The following RNF34 variants were observed in gnomAD, a reference collection of about 807,000 sequenced individuals.
The protein encoded by RNF34 is E3 ubiquitin-protein ligase RNF34.
Under a neutral mutation model 37.9 loss-of-function variants are expected in RNF34, and 12 were observed. The observed-to-expected ratio is 0.32, with a 90% CI of 0.20 to 0.51. The LOEUF (loss-of-function observed/expected upper bound fraction) is 0.51, where lower values mean the gene tolerates loss of function less well. Ranked by LOEUF, RNF34 falls within the 20% of genes least tolerant of loss-of-function variation. RNF34 has a pLI of 0.97. For missense variants in RNF34, 362 were observed against 472.7 expected, an observed-to-expected ratio of 0.77 and a Z score of 2.17; for synonymous variants, 155 against 177.2, an observed-to-expected ratio of 0.87 and a Z score of 1.00.
At chr12:121,402,813 A>G in intron 1 of RNF34, 1 of 1,576,312 alleles carries the variant, frequency 6.3e-7, no homozygotes, top group Non-Finnish European at 8.7e-7. Context: ...GGAAGGTAAC[A>G]TTTGTATCTA....
chr12:121,416,630 ATTATGT>A (rs1343449887), intron 2 of RNF34: 7 of 333,046 alleles, frequency 2.1e-5, no homozygotes, highest in Non-Finnish European at 3.3e-5. Flanking sequence ...TTTATTTTCT[ATTATGT>A]TTATTTCCAA....
At chr12:121,407,524 T>C (rs1555280825) in intron 1 of RNF34, among the ~76,000 whole-genome samples, 1 of 152,268 alleles carries the variant, frequency 6.6e-6, no homozygotes, top group Non-Finnish European at 1.5e-5. Flanking sequence ...CTCAGTGAAC[T>C]GACTGCAAAT....
chr12:121,421,981 G>A (rs894145596), intron 5 of RNF34, among the ~76,000 whole-genome samples: 5 of 152,208 alleles, frequency 3.3e-5, no homozygotes, highest in Non-Finnish European at 7.3e-5. Context: ...TGATGTCACA[G>A]TGGTAGATGC....
chr12:121,423,523 T>C lies in RNF34; in HGVS notation c.1066T>C (p.Cys356Arg). Residue 356 changes from cysteine to arginine, a missense_variant, in exon 6 of 6, where the codon TGT becomes CGT. By Grantham distance (180) the Cys-to-Arg change is radical. Transcript: ENST00000361234. This position sits in a 1 kb window ranked among gnomAD's most constrained non-coding sequence, Gnocchi z 4.3. ...CAAGTGCGGCAAGCGCATGAGTGAG[T>C]GTCCCATCTGCCGGCAGTATGTGGT... Reference protein sequence around the residue: ...CTKCGKRMSECPICRQYVVRA... With the variant: ...CTKCGKRMSERPICRQYVVRA... The C allele has an allele frequency of 6.2e-7, 1 of 1,614,172 alleles. No homozygotes were observed. The highest frequency in any genetic ancestry group is 2.2e-5 in the East Asian group (1 of 44,888).
intron 1 of RNF34, among the ~76,000 whole-genome samples, chr12:121,406,283 A>AGTTGTTGTTGTTGTTGTT (rs79540358): frequency 0.035 from 5,319 of 150,578 alleles, 273 homozygotes; most frequent in African/African-American, 0.11. Flanking sequence ...GGAATGTGTA[A>AGTTGTTGTTGTTGTTGTT]GTTGTTGTTG....
intron 5 of RNF34, 29 bp downstream of exon 5, chr12:121,420,807 TAG>T: frequency 6.4e-7 from 1 of 1,559,514 alleles, no homozygotes. Context: ...TTTTTCCCTG[TAG>T]TATTTTTCCT....
rs1475865914 is a variant in RNF34 at position 121,423,778 on chromosome 12, G to A, written c.*202G>A. On this transcript the variant is annotated 3_prime_UTR_variant, in exon 6 of 6. Transcript: ENST00000361234. The surrounding 1 kb of genome is among the most constrained non-coding windows in gnomAD (Gnocchi z 4.3). ...AGCCTGTCTGCCTGTGGACACGTGA[G>A]CTTCCCGGGCTCAGCTGGGCTTTAT... 1 of 541,342 alleles carries A rather than the reference G, an allele frequency of 1.8e-6. No individual in the cohort carries two copies. Among genetic ancestry groups the A allele is most frequent in the African/African-American group, 1.9e-5 (1 of 52,022 alleles). The allele number at this position is 541,342 out of a possible 1,614,324, so 33.5% of individuals were successfully genotyped here.
chr12:121,402,744 G>T (rs1159656321), intron 1 of RNF34: 11 of 1,590,072 alleles, frequency 6.9e-6, no homozygotes, highest in Admixed American at 3.5e-5. Context: ...TCTGAAAGGT[G>T]GGGGAGTGGT....
chr12:121,422,326 G>A (rs1400951938), intron 5 of RNF34, among the ~76,000 whole-genome samples: 1 of 152,136 alleles, frequency 6.6e-6, no homozygotes. Context: ...TACCAAGATT[G>A]TTCCCATATC....
rs574924801 is a variant in RNF34 at position 121,420,340 on chromosome 12, G to A, written c.726+6G>A. On this transcript the variant is annotated splice_donor_region_variant and intron_variant, in intron 4 of 5. Transcript: ENST00000361234. The stretch of plus-strand genomic sequence containing the variant: ...AAGAAAACGCAGAGGATCGGGTGAG[G>A]CCACCTATAAAATTTGGTTTCCCTG... 1.9e-6 allele frequency: 3 copies of A among 1,558,116 alleles called. No homozygotes were observed. The highest frequency in any genetic ancestry group is 2.7e-5 in the African/African-American group (2 of 73,258).
Position 121,416,151 on chromosome 12 carries a change from C to G in RNF34, c.7-8C>G, listed in dbSNP as rs1555282160. On this transcript the variant is annotated splice_region_variant and splice_polypyrimidine_tract_variant and intron_variant, in intron 1 of 5. Transcript: ENST00000361234. ...GCTTTAAACTGTGGGATTTGTGTTC[C>G]TTTTTAGGCGGGTGCCACGTCTATG... 11 of 1,612,430 alleles carry G rather than the reference C, an allele frequency of 6.8e-6. No individual in the cohort carries two copies. The highest frequency in any genetic ancestry group is 8.5e-6 in the Non-Finnish European group (10 of 1,178,944).
chr12:121,423,389 G>A lies in RNF34; in HGVS notation c.932G>A (p.Gly311Asp), dbSNP rs1872332160. ...KENEENQKSY[G>D]ERLQLQDEED... ...TTAGCTCTCTGTTGCCTTTCAGATG[G>A]CGAGCGGCTGCAGCTGCAGGATGAG... The change falls in exon 6 of 6, where the codon GGC becomes GAC. Residue 311 changes from glycine to aspartate, a missense_variant. Physicochemically the swap from Gly to Asp is moderately conservative, Grantham distance 94 (BLOSUM62 -1). Coordinates refer to ENST00000361234, the MANE Select transcript of RNF34 (RefSeq NM_025126.4). This position sits in a 1 kb window ranked among gnomAD's most constrained non-coding sequence, Gnocchi z 4.3. 1.2e-6 allele frequency: 2 copies of A among 1,602,468 alleles called. No homozygotes were observed. Among genetic ancestry groups the A allele is most frequent in the South Asian group, 1.1e-5 (1 of 89,782 alleles).
At chr12:121,403,955 A>G (rs1328379324) in intron 1 of RNF34, among the ~76,000 whole-genome samples, 1 of 150,738 alleles carries the variant, frequency 6.6e-6, no homozygotes, top group African/African-American at 2.4e-5. Flanking sequence ...TGGCATTATT[A>G]TTACCTTGCT....
chr12:121,403,696 G>C (rs1327916560), intron 1 of RNF34, among the ~76,000 whole-genome samples: 1 of 152,070 alleles, frequency 6.6e-6, no homozygotes, highest in Non-Finnish European at 1.5e-5. Context: ...TCGCTCCTTG[G>C]TCCTTGTAGA....
At position 121,420,602 on chromosome 12, in the gene RNF34, T is replaced by A. The variant is rs139288912; in HGVS notation, c.752T>A (p.Val251Glu). The A allele has an allele frequency of 5.0e-6, 8 of 1,613,566 alleles. No individual in the cohort carries two copies. In the East Asian group the frequency reaches 8.9e-5, roughly 18 times the overall value. The change falls in exon 5 of 6, where the codon GTG becomes GAG. Residue 251 changes from valine to glutamate, a missense_variant. Coordinates refer to ENST00000361234, the MANE Select transcript of RNF34 (RefSeq NM_025126.4). The part of the protein sequence containing the change: ...DRNPGLSKER[V>E]RASLSDLSSL... ...AACCCCGGGCTCTCCAAGGAGAGAG[T>A]GAGAGCTTCACTGTCTGACTTGTCA... is the stretch of plus-strand genomic sequence containing the variant.
chr12:121,417,959 T>C lies in RNF34; in HGVS notation c.633+48T>C. 1 of 1,568,588 alleles carries C rather than the reference T, an allele frequency of 6.4e-7. No homozygotes were observed. Among genetic ancestry groups the C allele is most frequent in the Non-Finnish European group, 8.7e-7 (1 of 1,154,598 alleles). On this transcript the variant is annotated intron_variant, in intron 3 of 5. Transcript: ENST00000361234. This position sits in a 1 kb window ranked among gnomAD's most constrained non-coding sequence, Gnocchi z 5.0. ...ACCCAGGGCCCGGCACGCTTATTCT[T>C]GGCCGTATATGGTGGGGCCTTTAGT...
intron 1 of RNF34, chr12:121,405,066 C>T (rs920371680): frequency 6.6e-6 from 1 of 152,200 alleles, no homozygotes; most frequent in South Asian, 2.1e-4. Context: ...GTCCTTATAA[C>T]CTTATTGGCT....
At chr12:121,410,248 TG>T (rs1159615859) in intron 1 of RNF34, among the ~76,000 whole-genome samples, 2 of 151,668 alleles carry the variant, frequency 1.3e-5, no homozygotes, top group African/African-American at 4.8e-5. Flanking sequence ...TTTTCAAATA[TG>T]CTGCATGGGG....
rs782650665 is a variant in RNF34, at chr12:121,423,391, G to A, written c.934G>A (p.Glu312Lys). 15 of 1,603,198 alleles carry A rather than the reference G, an allele frequency of 9.4e-6. No homozygotes were observed. Among genetic ancestry groups the A allele is most frequent in the East Asian group, 4.5e-5 (2 of 44,468 alleles). The change falls in exon 6 of 6, where the codon GAG becomes AAG. Residue 312 changes from glutamate (E) to lysine (K), a missense_variant. By Grantham distance (56) the Glu-to-Lys change is moderately conservative. Transcript: ENST00000361234. This position sits in a 1 kb window ranked among gnomAD's most constrained non-coding sequence, Gnocchi z 4.3. ...AGCTCTCTGTTGCCTTTCAGATGGC[G>A]AGCGGCTGCAGCTGCAGGATGAGGA... is the stretch of plus-strand genomic sequence containing the variant. ...ENEENQKSYG[E>K]RLQLQDEEDD...
Sources: gnomAD v4.1 joint callset for allele counts (sites outside exome capture counted in the v4.1 genomes callset) on GRCh38, gnomAD v4.1.1 for gene constraint, Gnocchi (gnomAD v3.1) non-coding constraint, MANE v1.5 for transcripts, NCBI Gene and HGNC (gene_info 2026-07-23, HGNC 2026-07-21) for gene names.